Variants in KCTD1 observed in about 807,000 individuals in gnomAD.
KCTD1 encodes potassium channel tetramerization domain containing 1.
KCTD1 carries 24 observed loss-of-function variants against 66.0 expected under a neutral mutation model. The observed-to-expected ratio is 0.36, with a 90% CI of 0.26 to 0.51. KCTD1 has a LOEUF of 0.51. Among genes scored for constraint, KCTD1 ranks in the 20% least tolerant of loss-of-function variants. The pLI, the probability that KCTD1 is intolerant of heterozygous loss-of-function variation, is 0.95. For missense variants in KCTD1, 943 were observed against 1,205.2 expected, an observed-to-expected ratio of 0.78 and a Z score of 3.22; for synonymous variants, 511 against 517.2, an observed-to-expected ratio of 0.99 and a Z score of 0.16.
intron 1 of KCTD1, among the ~76,000 whole-genome samples, chr18:26,579,609 G>A (rs1309847235): frequency 1.3e-5 from 2 of 152,186 alleles, no homozygotes; most frequent in African/African-American, 2.4e-5. Context: ...ATAGTTTGGG[G>A]AACAAGTCAG....
intron 1 of KCTD1, among the ~76,000 whole-genome samples, chr18:26,588,075 G>T (rs1482633071): frequency 6.6e-6 from 1 of 152,214 alleles, no homozygotes; most frequent in Non-Finnish European, 1.5e-5. Context: ...ATGCTACAGA[G>T]AAACCTTTCA....
At chr18:26,550,594 A>T (rs1176439896), upstream of KCTD1, among the ~76,000 whole-genome samples, 1 of 151,554 alleles carries the variant, frequency 6.6e-6, no homozygotes, top group Admixed American at 6.6e-5. The surrounding 1 kb of genome is among the most constrained non-coding windows in gnomAD (Gnocchi z 5.4). Context: ...ACACACACAC[A>T]CACACACACA....
intron 1 of KCTD1, among the ~76,000 whole-genome samples, chr18:26,554,559 G>A (rs1985660533): frequency 6.6e-6 from 1 of 152,136 alleles, no homozygotes; most frequent in Admixed American, 6.5e-5. Context: ...CTAGAAAGAG[G>A]CACTTTCTAT....
chr18:26,532,665 T>A, intron 1 of KCTD1, among the ~76,000 whole-genome samples: 1 of 152,170 alleles, frequency 6.6e-6, no homozygotes, highest in East Asian at 1.9e-4. Flanking sequence ...GTTGAGGTGG[T>A]CAGAGAAGTC....
intron 1 of KCTD1, among the ~76,000 whole-genome samples, chr18:26,554,054 T>A: frequency 2.8e-5 from 3 of 108,098 alleles, no homozygotes; most frequent in Non-Finnish European, 3.9e-5. Context: ...ATGAAAGAAA[T>A]AGGAAGGAAA....
At chr18:26,531,325 C>A (rs1474092655) in intron 1 of KCTD1, among the ~76,000 whole-genome samples, 21 of 151,904 alleles carry the variant, frequency 1.4e-4, no homozygotes, top group Admixed American at 1.4e-3. Flanking sequence ...GACCATGTCT[C>A]TATTAAAGAA....
intron 3 of KCTD1, among the ~76,000 whole-genome samples, chr18:26,467,130 T>C (rs1161726029): frequency 6.7e-6 from 1 of 148,860 alleles, no homozygotes; most frequent in Non-Finnish European, 1.5e-5. Context: ...ACATACGGTA[T>C]AGTTTGTTTT....
chr18:26,502,026 T>C (rs1004131943), intron 1 of KCTD1, among the ~76,000 whole-genome samples: 1 of 152,248 alleles, frequency 6.6e-6, no homozygotes, highest in Non-Finnish European at 1.5e-5. Flanking sequence ...CTGGTGGCAG[T>C]AACAACATGT....
intron 2 of KCTD1, among the ~76,000 whole-genome samples, chr18:26,488,987 C>T (rs1982055055): frequency 6.6e-6 from 1 of 152,148 alleles, no homozygotes; most frequent in African/African-American, 2.4e-5. Flanking sequence ...TTCCAGGTGC[C>T]TACTGTTGAA....
intron 1 of KCTD1, among the ~76,000 whole-genome samples, chr18:26,593,043 A>G (rs978944637): frequency 1.8e-4 from 27 of 152,244 alleles, no homozygotes; most frequent in African/African-American, 6.3e-4. Context: ...TTATTGTTCA[A>G]TCTCACAGAG....
At chr18:26,601,835 G>T (rs1261460355) in intron 1 of KCTD1, among the ~76,000 whole-genome samples, 1 of 151,936 alleles carries the variant, frequency 6.6e-6, no homozygotes, top group Non-Finnish European at 1.5e-5. Context: ...TTGATTTTTA[G>T]TATTGATCTT....
At chr18:26,577,040 C>T (rs1302218440) in intron 1 of KCTD1, among the ~76,000 whole-genome samples, 1 of 152,202 alleles carries the variant, frequency 6.6e-6, no homozygotes, top group Non-Finnish European at 1.5e-5. Flanking sequence ...TAGTATCTAT[C>T]AACTCCTTGA....
chr18:26,496,729 A>AAAAAG (rs2144667368), intron 2 of KCTD1, among the ~76,000 whole-genome samples: 1 of 139,494 alleles, frequency 7.2e-6, no homozygotes, highest in Admixed American at 7.4e-5. Context: ...ACAAGCTAAA[A>AAAAAG]AAAAGCATGT....
intron 3 of KCTD1, among the ~76,000 whole-genome samples, chr18:26,464,800 G>A (rs1007618480): frequency 6.6e-6 from 1 of 152,188 alleles, no homozygotes; most frequent in African/African-American, 2.4e-5. Flanking sequence ...CCTCGGCAGT[G>A]GGTGGTTCCC....
At chr18:26,590,771 T>C (rs1393769343) in intron 1 of KCTD1, among the ~76,000 whole-genome samples, 1 of 152,176 alleles carries the variant, frequency 6.6e-6, no homozygotes, top group Non-Finnish European at 1.5e-5. Context: ...TCCAGAAATC[T>C]GGATGTATTA....
chr18:26,645,370 C>T (rs1327946295), intron 1 of KCTD1, among the ~76,000 whole-genome samples: 2 of 152,164 alleles, frequency 1.3e-5, no homozygotes, highest in Non-Finnish European at 2.9e-5. Context: ...CTGCCTCAGC[C>T]TCCTGAGTAG....
chr18:26,500,983 A>G lies in KCTD1; in HGVS notation c.1988+89T>C. Reference sequence around the variant, plus strand: ...CTTTCACATCCTGCCCCCTGCCTCCACGAGGCTACACTGCTATGCTGGTCA... The same window carrying G: ...CTTTCACATCCTGCCCCCTGCCTCCGCGAGGCTACACTGCTATGCTGGTCA... On this transcript the variant is annotated intron_variant, in intron 2 of 4. Coordinates refer to ENST00000580059, the MANE Select transcript of KCTD1 (RefSeq NM_001142730.3). The G allele has an allele frequency of 2.1e-6, 3 of 1,423,644 alleles. No individual in the cohort carries two copies. The East Asian group carries it at 6.9e-5, about 33-fold the overall frequency. 88.2% of individuals were successfully genotyped at this position (1,423,644 alleles called of 1,614,324 possible). A position where few individuals can be genotyped will look rare whatever the true frequency, so the allele number is the denominator to read the frequency against.
intron 1 of KCTD1, among the ~76,000 whole-genome samples, chr18:26,509,382 A>T (rs1490666921): frequency 6.7e-6 from 1 of 148,648 alleles, no homozygotes; most frequent in African/African-American, 2.6e-5. Context: ...TTTTTTAAGA[A>T]TATAATAAAA....
intron 2 of KCTD1, among the ~76,000 whole-genome samples, chr18:26,499,916 A>G (rs1405010063): frequency 6.6e-6 from 1 of 152,200 alleles, no homozygotes; most frequent in East Asian, 1.9e-4. Flanking sequence ...ATAGCCCCCA[A>G]ATCTGGGGCA....
Sources: allele counts gnomAD v4.1 joint callset (sites outside exome capture counted in the v4.1 genomes callset), GRCh38; gene constraint gnomAD v4.1.1; non-coding constraint Gnocchi (gnomAD v3.1); transcripts MANE v1.5; gene names NCBI Gene and HGNC (gene_info 2026-07-23, HGNC 2026-07-21).